FRAS1: variants seen among roughly 807,000 people sequenced by gnomAD.
FRAS1 encodes the protein extracellular matrix organizing protein FRAS1.
A neutral mutation model predicts 435.2 loss-of-function variants in FRAS1; 290 were observed. The observed-to-expected ratio is 0.67, with a 90% CI of 0.61 to 0.73. The LOEUF is 0.73. Among genes scored for constraint, FRAS1 ranks in the 30% least tolerant of loss-of-function variants. FRAS1 has a pLI of 0.00. For missense variants in FRAS1, 4,860 were observed against 5,001.5 expected (o/e 0.97, Z 0.85); for synonymous variants, 1,800 against 1,851.0 (o/e 0.97, Z 0.71).
intron 2 of FRAS1, among the ~76,000 whole-genome samples, chr4:78,209,370 A>C (rs1638744699): frequency 6.6e-6 from 1 of 152,102 alleles, no homozygotes; most frequent in Non-Finnish European, 1.5e-5. Context: ...GGTGTAAGCA[A>C]TGGAAGACAC....
intron 18 of FRAS1, among the ~76,000 whole-genome samples, chr4:78,331,374 A>G (rs1729943047): frequency 1.3e-5 from 2 of 152,086 alleles, no homozygotes; most frequent in South Asian, 4.1e-4. Flanking sequence ...ATTAGCCTGT[A>G]GGTGTCAGGC....
intron 2 of FRAS1, among the ~76,000 whole-genome samples, chr4:78,163,409 C>T (rs981587294): frequency 9.9e-5 from 15 of 152,018 alleles, no homozygotes; most frequent in African/African-American, 3.6e-4. Context: ...ATGTTGGGGT[C>T]AAAGATTTCA....
In FRAS1 at chr4:78,473,443, G is replaced by A. The variant is rs1719768372; in HGVS notation, c.7528G>A (p.Val2510Met). The change falls in exon 53 of 74, where the codon GTG (valine) becomes ATG (methionine). Residue 2510 changes from valine (V) to methionine (M), a missense_variant. Coordinates refer to ENST00000512123, the MANE Select transcript of FRAS1 (RefSeq NM_025074.7). ...GTGAGTCTTTTTTCTCACAGAGGAT[G>A]TGAACTTGGGGTTGATTCGTTATGT... ...RAAATFTQED[V>M]NLGLIRYVLH... 6.2e-7 allele frequency: 1 copy of A among 1,612,378 alleles called. No individual in the cohort carries two copies. Among genetic ancestry groups the A allele is most frequent in the South Asian group, 1.1e-5 (1 of 90,708 alleles).
At chr4:78,261,335 TAGTAA>T (rs10522073) in intron 6 of FRAS1, among the ~76,000 whole-genome samples, 51,197 of 151,670 alleles carry the variant, frequency 0.34, 8,921 homozygotes, top group South Asian at 0.59. Flanking sequence ...TTAGATCCTG[TAGTAA>T]ATAGTTTTCA....
At chr4:78,337,489 C>T (rs552187804) in intron 19 of FRAS1, among the ~76,000 whole-genome samples, 185 bp from the exon 20 acceptor site, 2 of 152,302 alleles carry the variant, frequency 1.3e-5, no homozygotes, top group African/African-American at 4.8e-5. Flanking sequence ...GACAGTACTG[C>T]CCTTGACATC....
chr4:78,082,368 T>A (rs958096233), intron 2 of FRAS1, among the ~76,000 whole-genome samples: 1 of 152,170 alleles, frequency 6.6e-6, no homozygotes, highest in Admixed American at 6.6e-5. Flanking sequence ...ATATATAAAT[T>A]TAAATTTAAA....
intron 59 of FRAS1, among the ~76,000 whole-genome samples, chr4:78,490,435 A>G (rs1462828105): frequency 6.6e-6 from 1 of 152,208 alleles, no homozygotes; most frequent in African/African-American, 2.4e-5. Flanking sequence ...ATGCAAAAGA[A>G]CAGAAATCAT....
rs988721404 is a variant in FRAS1, at chr4:78,312,916, T to A, written c.1679-2678T>A. On this transcript the variant is annotated intron_variant, in intron 15 of 73. Transcript: ENST00000512123. Reference sequence around the variant, plus strand: ...AAGAAAGAAAGCTCATCAACTGGAATTTTTATTGATATTACATTGGAGTTA... The same window carrying A: ...AAGAAAGAAAGCTCATCAACTGGAAATTTTATTGATATTACATTGGAGTTA... 8.6e-5 allele frequency among the ~76,000 whole-genome samples: 13 copies of A among 151,306 alleles called. No homozygotes were observed. In the East Asian group the frequency reaches 2.5e-3, roughly 29 times the overall value.
chr4:78,444,988 A>G (rs569139072), intron 41 of FRAS1, among the ~76,000 whole-genome samples: 36 of 152,362 alleles, frequency 2.4e-4, no homozygotes, highest in South Asian at 4.1e-4. Context: ...GGGAGGTCCA[A>G]TGAAAACATG....
intron 6 of FRAS1, among the ~76,000 whole-genome samples, chr4:78,263,423 C>A (rs1200731077): frequency 6.6e-6 from 1 of 152,136 alleles, no homozygotes; most frequent in Non-Finnish European, 1.5e-5. Flanking sequence ...ACAGGTAATA[C>A]CTCCCTCCCT....
At chr4:78,278,514 A>C (rs1727168839) in intron 9 of FRAS1, 141 bp from the exon 10 acceptor site, 1 of 613,842 alleles carries the variant, frequency 1.6e-6, no homozygotes, top group Non-Finnish European at 2.9e-6. Context: ...GGACAGGGGG[A>C]GATGAAACAG....
chr4:78,407,757 C>G lies in FRAS1; in HGVS notation c.4224C>G (p.Thr1408=), dbSNP rs749858281. The change falls in exon 31 of 74, where the codon ACC becomes ACG. Residue 1408 remains threonine (T), a synonymous_variant. Transcript: ENST00000512123. The part of the protein sequence containing the change: ...PDGRTATPTS[T]FTQQDINEGI... Reference sequence around the variant, plus strand: ...GGAGGACAGCTACCCCCACCAGCACCTTCACCCAGCAGGACATCAATGAAG... The same window carrying G: ...GGAGGACAGCTACCCCCACCAGCACGTTCACCCAGCAGGACATCAATGAAG... The G allele has an allele frequency of 1.2e-6, 2 of 1,613,898 alleles. No homozygotes were observed. The highest frequency in any genetic ancestry group is 1.3e-5 in the African/African-American group (1 of 75,016).
rs1010422444 is a variant in FRAS1 at position 78,105,809 on chromosome 4, A to G, written c.108+39793A>G. Among the ~76,000 whole-genome samples, 6 of 151,120 alleles carry G rather than the reference A, an allele frequency of 4.0e-5. No individual in the cohort carries two copies. The South Asian group carries it at 6.3e-4, about 16-fold the overall frequency. On this transcript the variant is annotated intron_variant, in intron 2 of 73. Coordinates refer to ENST00000512123, the MANE Select transcript of FRAS1 (RefSeq NM_025074.7). Reference sequence around the variant, plus strand: ...CCAGCGTGAGCGACGCAGAAGACGGATGATTTCTGCATTTCCATCTGAGGT... The same window carrying G: ...CCAGCGTGAGCGACGCAGAAGACGGGTGATTTCTGCATTTCCATCTGAGGT...
At chr4:78,172,459 A>C (rs1721599714) in intron 2 of FRAS1, among the ~76,000 whole-genome samples, 1 of 152,188 alleles carries the variant, frequency 6.6e-6, no homozygotes, top group African/African-American at 2.4e-5. Flanking sequence ...ATTTCTGGCT[A>C]AGTGACTGAC....
At chr4:78,528,684 G>C (rs1721617634) in intron 70 of FRAS1, among the ~76,000 whole-genome samples, 1 of 152,118 alleles carries the variant, frequency 6.6e-6, no homozygotes, top group Non-Finnish European at 1.5e-5. Context: ...GTTGTTTCCA[G>C]TTTGGGGCTA....
intron 20 of FRAS1, among the ~76,000 whole-genome samples, chr4:78,338,922 A>G (rs1730289661): frequency 6.6e-6 from 1 of 152,212 alleles, no homozygotes; most frequent in South Asian, 2.1e-4. Flanking sequence ...ATTAAGGTCT[A>G]TATCCTAAGA....
In FRAS1 at chr4:78,524,221, C is replaced by G. The variant is rs750510085; in HGVS notation, c.10808+1413C>G. On this transcript the variant is annotated intron_variant, in intron 69 of 73. Transcript: ENST00000512123. ...AGGCACATATGATTCATCTTAAATC[C>G]CCAGAACCACAGGTTTTAGCATGTG... Among the ~76,000 whole-genome samples, 16 of 152,256 alleles carry G rather than the reference C, an allele frequency of 1.1e-4. No individual in the cohort carries two copies. The Middle Eastern group carries it at 0.01, about 97-fold the overall frequency.
chr4:78,356,895 C>T (rs754194561), intron 20 of FRAS1, among the ~76,000 whole-genome samples: 17 of 152,178 alleles, frequency 1.1e-4, no homozygotes, highest in Non-Finnish European at 2.1e-4. Flanking sequence ...CATACACACA[C>T]AGACAGAGAG....
intron 52 of FRAS1, among the ~76,000 whole-genome samples, chr4:78,473,014 T>G (rs1488172474): frequency 6.6e-6 from 1 of 152,234 alleles, no homozygotes; most frequent in East Asian, 1.9e-4. Context: ...CAGCTATTCT[T>G]ATTAGCACAT....
Sources: gnomAD v4.1 joint callset for allele counts (sites outside exome capture counted in the v4.1 genomes callset) on GRCh38, gnomAD v4.1.1 for gene constraint, MANE v1.5 for transcripts, NCBI Gene and HGNC (gene_info 2026-07-23, HGNC 2026-07-21) for gene names.